Variants in MLIP observed in about 807,000 individuals in gnomAD.
MLIP encodes muscular LMNA-interacting protein.
Under a neutral mutation model 84.8 loss-of-function variants are expected in MLIP, and 79 were observed. The ratio of observed to expected loss-of-function variants is 0.93; its 90% CI spans 0.78 to 1.12. The LOEUF (loss-of-function observed/expected upper bound fraction) is 1.12. MLIP is among the 50% of genes most tolerant of loss of function. The probability of loss-of-function intolerance (pLI) is 0.00; values close to 1 mark genes in which losing one functional copy is unlikely to be tolerated. For missense variants in MLIP, 1,257 were observed against 1,160.6 expected (o/e 1.08, Z -1.21); for synonymous variants, 504 against 463.0 (o/e 1.09, Z -1.14).
At chr6:54,181,662 C>T (rs529818614) in intron 9 of MLIP, among the ~76,000 whole-genome samples, 1 of 152,220 alleles carries the variant, frequency 6.6e-6, no homozygotes, top group Non-Finnish European at 1.5e-5. Context: ...AGCCTAAGGC[C>T]CATGGTGTAC....
chr6:54,187,818 C>A (rs1004999771), intron 9 of MLIP, among the ~76,000 whole-genome samples: 2 of 152,078 alleles, frequency 1.3e-5, no homozygotes, highest in Admixed American at 6.6e-5. Context: ...TCCTGGCCAA[C>A]ATGGTGAAAC....
intron 11 of MLIP, chr6:54,215,928 G>A (rs1433725111): frequency 6.4e-6 from 1 of 157,188 alleles, no homozygotes; most frequent in Non-Finnish European, 1.4e-5. Flanking sequence ...CGCAATATTT[G>A]TCCTTTTGTG....
intron 10 of MLIP, 109 bp from the exon 11 acceptor site, chr6:54,201,996 A>G (rs1053132715): frequency 2.3e-5 from 18 of 772,578 alleles, no homozygotes; most frequent in Non-Finnish European, 3.2e-5. Flanking sequence ...AATTAAAAAA[A>G]TATAATTTTC....
chr6:54,030,618 C>T (rs982193195), intron 1 of MLIP: 1 of 151,578 alleles, frequency 6.6e-6, no homozygotes, highest in Admixed American at 6.6e-5. Context: ...ATGCCTCTTA[C>T]CTTCATCTGG....
intron 9 of MLIP, among the ~76,000 whole-genome samples, chr6:54,173,064 T>C (rs2150604541): frequency 6.6e-6 from 1 of 151,860 alleles, no homozygotes; most frequent in African/African-American, 2.4e-5. Flanking sequence ...AATTCAACAA[T>C]AATAATAACT....
At position 54,167,126 on chromosome 6, in the gene MLIP, C is replaced by G. The variant is rs1182656735; in HGVS notation, c.2500-2402C>G. Among the ~76,000 whole-genome samples the G allele has an allele frequency of 3.3e-5, 5 of 151,882 alleles. No individual in the cohort carries two copies. The East Asian group carries it at 9.7e-4, about 29-fold the overall frequency. ...AGTACAAGAGTTTTGTCCCTATACC[C>G]CTGACTCACAATAGTTTATTCTTAA... is the stretch of plus-strand genomic sequence containing the variant. On this transcript the variant is annotated intron_variant, in intron 8 of 13. Transcript: ENST00000502396.
intron 1 of MLIP, among the ~76,000 whole-genome samples, chr6:54,113,421 T>C (rs1582172223): frequency 6.6e-6 from 1 of 152,172 alleles, no homozygotes; most frequent in East Asian, 1.9e-4. Flanking sequence ...CCTGTTGTAT[T>C]ACGTATTGTT....
chr6:54,054,095 T>G (rs1433825348), intron 1 of MLIP, among the ~76,000 whole-genome samples: 1 of 152,176 alleles, frequency 6.6e-6, no homozygotes, highest in Non-Finnish European at 1.5e-5. Context: ...ATGTACAAGT[T>G]TGCTTTTTTT....
chr6:54,113,881 C>G (rs1227839675), intron 1 of MLIP, among the ~76,000 whole-genome samples: 1 of 152,174 alleles, frequency 6.6e-6, no homozygotes, highest in Non-Finnish European at 1.5e-5. Flanking sequence ...CATGGTCAAT[C>G]ATTTGCTCTA....
chr6:54,120,894 T>A (rs1770395372), intron 1 of MLIP, among the ~76,000 whole-genome samples: 1 of 152,158 alleles, frequency 6.6e-6, no homozygotes, highest in Non-Finnish European at 1.5e-5. Flanking sequence ...AGCAAATACT[T>A]CATACAATTA....
intron 1 of MLIP, among the ~76,000 whole-genome samples, chr6:54,117,690 T>C (rs1380643509): frequency 1.3e-5 from 2 of 150,970 alleles, no homozygotes; most frequent in Non-Finnish European, 3.0e-5. Flanking sequence ...CTAACACCTG[T>C]AATCCCAGCA....
chr6:54,057,820 T>C (rs570532025), intron 1 of MLIP: 12 of 152,328 alleles, frequency 7.9e-5, no homozygotes, highest in African/African-American at 2.9e-4. Flanking sequence ...TGCCATTAAA[T>C]AGAGCTCCTG....
intron 12 of MLIP, among the ~76,000 whole-genome samples, chr6:54,240,514 A>T (rs1781664373): frequency 6.6e-6 from 1 of 152,142 alleles, no homozygotes; most frequent in Non-Finnish European, 1.5e-5. Context: ...TTTTGTGTGC[A>T]TATGACATAA....
At chr6:54,154,218 A>G (rs896181006) in intron 5 of MLIP, among the ~76,000 whole-genome samples, 3 of 152,144 alleles carry the variant, frequency 2.0e-5, no homozygotes, top group African/African-American at 7.2e-5. Flanking sequence ...AAAATTTCCA[A>G]TTTTATTCCA....
intron 1 of MLIP, among the ~76,000 whole-genome samples, chr6:54,054,768 T>C (rs1765559541): frequency 6.6e-6 from 1 of 152,124 alleles, no homozygotes; most frequent in Non-Finnish European, 1.5e-5. Context: ...ATCTTTTCTC[T>C]AACGAGGTAA....
intron 10 of MLIP, among the ~76,000 whole-genome samples, chr6:54,201,696 A>G (rs1275491364): frequency 6.6e-6 from 1 of 152,166 alleles, no homozygotes; most frequent in East Asian, 1.9e-4. Context: ...GAGGGTGAGC[A>G]GTTTCCAGAA....
At position 54,163,993 on chromosome 6, in the gene MLIP, C is replaced by T. The variant is rs779485088; in HGVS notation, c.2499+3194C>T. Among the ~76,000 whole-genome samples the T allele has an allele frequency of 5.3e-4, 80 of 152,040 alleles. 1 individual carries two copies. Among genetic ancestry groups the T allele is most frequent in the Middle Eastern group, 6.8e-3 (2 of 294 alleles). On this transcript the variant is annotated intron_variant, in intron 8 of 13. Coordinates refer to ENST00000502396, the MANE Select transcript of MLIP (RefSeq NM_001281747.2). ...TTCCCCCAGGCTTCTTTGTCTTCAACAACATACTTACGAAGTATTTTGTCA... is the reference window on the plus strand; with the variant it reads ...TTCCCCCAGGCTTCTTTGTCTTCAATAACATACTTACGAAGTATTTTGTCA...
At chr6:54,071,111 A>T (rs925470534) in intron 1 of MLIP, among the ~76,000 whole-genome samples, 2 of 152,116 alleles carry the variant, frequency 1.3e-5, no homozygotes, top group Non-Finnish European at 2.9e-5. Flanking sequence ...TCTCATAGGT[A>T]TTTGCATTTT....
chr6:54,200,478 GA>G (rs1296621108), intron 10 of MLIP, among the ~76,000 whole-genome samples: 2 of 151,890 alleles, frequency 1.3e-5, no homozygotes, highest in East Asian at 3.9e-4. Flanking sequence ...AGGAGAAGAA[GA>G]AAGAAGAAAT....
Sources: allele counts gnomAD v4.1 joint callset (sites outside exome capture counted in the v4.1 genomes callset), GRCh38; gene constraint gnomAD v4.1.1; transcripts MANE v1.5; gene names NCBI Gene and HGNC (gene_info 2026-07-23, HGNC 2026-07-21).